JPH2: variants seen among roughly 807,000 people sequenced by gnomAD.
JPH2 encodes junctophilin 2.
JPH2 carries 38 observed loss-of-function variants against 55.9 expected under a neutral mutation model. That is an observed-to-expected ratio of 0.68 (90% confidence interval 0.52 to 0.89). The LOEUF (loss-of-function observed/expected upper bound fraction) is 0.89, where lower values mean the gene tolerates loss of function less well. JPH2 is among the 40% of genes least tolerant of loss of function. JPH2 has a pLI of 0.00. For missense variants in JPH2, 964 were observed against 1,037.6 expected, an observed-to-expected ratio of 0.93 and a Z score of 0.97; for synonymous variants, 480 against 472.4, an observed-to-expected ratio of 1.02 and a Z score of -0.21.
intron 2 of JPH2, among the ~76,000 whole-genome samples, chr20:44,142,827 A>G (rs2072467392): frequency 6.6e-6 from 1 of 152,208 alleles, no homozygotes. Context: ...GCTGAAATGA[A>G]TAACATGGAG....
At chr20:44,138,963 C>T (rs948174107) in intron 2 of JPH2, among the ~76,000 whole-genome samples, 1 of 152,192 alleles carries the variant, frequency 6.6e-6, no homozygotes, top group African/African-American at 2.4e-5. Flanking sequence ...CTTGCCCCAG[C>T]TGCCACACCG....
At chr20:44,176,840 A>T in intron 1 of JPH2, 1 of 982,556 alleles carries the variant, frequency 1.0e-6, no homozygotes, top group Non-Finnish European at 1.2e-6. Flanking sequence ...TTCCAATTTA[A>T]TTAAAAATAG....
intron 2 of JPH2, among the ~76,000 whole-genome samples, chr20:44,136,854 G>T (rs563436560): frequency 6.6e-6 from 1 of 152,326 alleles, no homozygotes; most frequent in South Asian, 2.1e-4. Context: ...TAAGGATTAT[G>T]TAAATTGTGG....
chr20:44,160,256 C>G lies in JPH2; in HGVS notation c.531G>C (p.Pro177=). The change falls in exon 2 of 6, where the codon CCG becomes CCC. Residue 177 remains proline (P), a synonymous_variant. Coordinates refer to ENST00000372980, the MANE Select transcript of JPH2 (RefSeq NM_020433.5). This position sits in a 1 kb window ranked among gnomAD's most constrained non-coding sequence, Gnocchi z 4.9. ...RSEHSNGTVA[P]DSPASPASDG... ...CGGAGGCCGGCGAGGCGGGAGAGTC[C>G]GGGGCCACCGTGCCGTTGCTGTGCT... 6.5e-7 allele frequency: 1 copy of G among 1,528,558 alleles called. No homozygotes were observed. The highest frequency in any genetic ancestry group is 8.8e-7 in the Non-Finnish European group (1 of 1,141,636). 94.7% of individuals were successfully genotyped at this position (1,528,558 alleles called of 1,614,324 possible). A position where few individuals can be genotyped will look rare whatever the true frequency, so the allele number is the denominator to read the frequency against.
chr20:44,156,121 C>T (rs948934463), intron 2 of JPH2, among the ~76,000 whole-genome samples: 2 of 151,690 alleles, frequency 1.3e-5, no homozygotes, highest in Non-Finnish European at 2.9e-5. Flanking sequence ...GGAGATCTGA[C>T]AACTAAATGC....
intron 2 of JPH2, among the ~76,000 whole-genome samples, chr20:44,129,025 CAG>C (rs1458699668): frequency 1.3e-5 from 2 of 152,168 alleles, no homozygotes; most frequent in African/African-American, 4.8e-5. Flanking sequence ...GCACTGGGAA[CAG>C]GGCCTGGCAC....
intron 2 of JPH2, among the ~76,000 whole-genome samples, chr20:44,158,091 A>C (rs1233739486): frequency 6.6e-6 from 1 of 152,242 alleles, no homozygotes; most frequent in Non-Finnish European, 1.5e-5. Context: ...TGACTGGCAC[A>C]TAGAGAATCC....
rs879639162 is a variant in JPH2 at position 44,111,279 on chromosome 20, C to T, written c.*2239G>A. Among the ~76,000 whole-genome samples the T allele has an allele frequency of 6.6e-6, 1 of 152,184 alleles. No homozygotes were observed. The highest frequency in any genetic ancestry group is 2.4e-5 in the African/African-American group (1 of 41,434). On this transcript the variant is annotated 3_prime_UTR_variant, in exon 6 of 6. Coordinates refer to ENST00000372980, the MANE Select transcript of JPH2 (RefSeq NM_020433.5). ...AGCACCATAGCGTGATAACAACACT[C>T]GTCTCCATTTCTCCACTGCTTTCTA...
intron 2 of JPH2, among the ~76,000 whole-genome samples, chr20:44,144,386 A>T (rs1359093366): frequency 6.6e-6 from 1 of 152,176 alleles, no homozygotes; most frequent in Non-Finnish European, 1.5e-5. Flanking sequence ...GGCCACATGA[A>T]GCCCTCTACA....
chr20:44,118,981 C>T (rs1021871219), intron 2 of JPH2, among the ~76,000 whole-genome samples: 1 of 152,192 alleles, frequency 6.6e-6, no homozygotes, highest in African/African-American at 2.4e-5. Flanking sequence ...GAATGCAGAG[C>T]AGGCTGAGTC....
At chr20:44,185,621 C>T (rs149220182) in intron 1 of JPH2, among the ~76,000 whole-genome samples, 4 of 143,338 alleles carry the variant, frequency 2.8e-5, no homozygotes, top group Non-Finnish European at 4.5e-5. Context: ...GGCAACAGAA[C>T]GAGAACTTGT....
Position 44,114,768 on chromosome 20 carries a change from C to G in JPH2, c.*14+14G>C. The G allele has an allele frequency of 6.3e-7, 1 of 1,578,288 alleles. No individual in the cohort carries two copies. The highest frequency in any genetic ancestry group is 8.6e-7 in the Non-Finnish European group (1 of 1,160,044). ...TCCTGCCCCCCAACCCCTCCTCCAGCCAGCTGGCTGCACCTGGTAAGCGAC... is the reference window on the plus strand; with the variant it reads ...TCCTGCCCCCCAACCCCTCCTCCAGGCAGCTGGCTGCACCTGGTAAGCGAC... On this transcript the variant is annotated intron_variant, in intron 5 of 5. Transcript: ENST00000372980.
At chr20:44,167,432 T>C (rs2072664708) in intron 1 of JPH2, among the ~76,000 whole-genome samples, 1 of 152,152 alleles carries the variant, frequency 6.6e-6, no homozygotes, top group Non-Finnish European at 1.5e-5. Flanking sequence ...AGGAAACCCA[T>C]CTTTTTTCCC....
At chr20:44,126,211 G>T (rs934929788) in intron 2 of JPH2, among the ~76,000 whole-genome samples, 1 of 145,482 alleles carries the variant, frequency 6.9e-6, no homozygotes, top group African/African-American at 2.5e-5. Context: ...AGGAAGAAGG[G>T]GGGGAGGGGG....
At chr20:44,151,431 C>T (rs578080075) in intron 2 of JPH2, among the ~76,000 whole-genome samples, 1 of 152,188 alleles carries the variant, frequency 6.6e-6, no homozygotes, top group South Asian at 2.1e-4. Flanking sequence ...GCAGGAGAAT[C>T]GCTTGAACCT....
intron 2 of JPH2, among the ~76,000 whole-genome samples, chr20:44,150,956 G>A (rs2072526355): frequency 6.6e-6 from 1 of 152,176 alleles, no homozygotes. Flanking sequence ...CTTGAGCCTG[G>A]GTGGTGGAGG....
chr20:44,125,755 C>A (rs754403740), intron 2 of JPH2, among the ~76,000 whole-genome samples: 9 of 152,142 alleles, frequency 5.9e-5, no homozygotes, highest in Non-Finnish European at 7.3e-5. Context: ...CGGGTGCAGA[C>A]CCTGGCTCTG....
chr20:44,146,357 TCTC>T (rs1326506241), intron 2 of JPH2, among the ~76,000 whole-genome samples: 1 of 151,912 alleles, frequency 6.6e-6, no homozygotes, highest in Admixed American at 6.6e-5. Context: ...TGTTCTAACA[TCTC>T]CTTGCTGCCT....
chr20:44,143,008 C>G (rs2072468437), intron 2 of JPH2, among the ~76,000 whole-genome samples: 1 of 152,132 alleles, frequency 6.6e-6, no homozygotes, highest in African/African-American at 2.4e-5. Flanking sequence ...TAGAAGGGAG[C>G]TCAGAGCTCC....
Sources: allele counts gnomAD v4.1 joint callset (sites outside exome capture counted in the v4.1 genomes callset), GRCh38; gene constraint gnomAD v4.1.1; non-coding constraint Gnocchi (gnomAD v3.1); transcripts MANE v1.5; gene names NCBI Gene and HGNC (gene_info 2026-07-23, HGNC 2026-07-21).